FOXF1: variants seen among roughly 807,000 people sequenced by gnomAD.
FOXF1 encodes forkhead box F1, also known as forkhead box protein F1.
Under a neutral mutation model 26.6 loss-of-function variants are expected in FOXF1, and 9 were observed. That is an observed-to-expected ratio of 0.34 (90% CI 0.20 to 0.59). The LOEUF (loss-of-function observed/expected upper bound fraction) is 0.59, where lower values mean the gene tolerates loss of function less well. Ranked by LOEUF, FOXF1 falls within the 20% of genes least tolerant of loss-of-function variation. The pLI, the probability that FOXF1 is intolerant of heterozygous loss-of-function variation, is 0.83. For synonymous variants in FOXF1, 330 were observed against 257.7 expected (o/e 1.28, Z -2.69); for missense variants, 499 against 549.9 (o/e 0.91, Z 0.93).
rs879670877 is a variant in FOXF1, at chr16:86,514,557, A to G, written c.*1472A>G. On this transcript the variant is annotated 3_prime_UTR_variant, in exon 2 of 2. Transcript: ENST00000262426. ...GCTTTGGATCTCTAGACGCTTAAAAATTTACAATCTGGGTGATTCTGAGTA... is the reference window on the plus strand; with the variant it reads ...GCTTTGGATCTCTAGACGCTTAAAAGTTTACAATCTGGGTGATTCTGAGTA... 3.9e-5 allele frequency: 6 copies of G among 152,178 alleles called. No homozygotes were observed. The highest frequency in any genetic ancestry group is 9.7e-5 in the African/African-American group (4 of 41,450). The allele number at this position is 152,178 out of a possible 1,614,324, so 9.4% of individuals were successfully genotyped here.
chr16:86,510,681 A>C lies in FOXF1; in HGVS notation c.112A>C (p.Lys38Gln). ...PASSGPSKAK[K>Q]TNAGIRRPEK... ...GTCGTCCGGCCCGTCCAAGGCCAAG[A>C]AGACCAACGCCGGCATCCGGCGCCC... Residue 38 changes from lysine (K) to glutamine (Q), a missense_variant, in exon 1 of 2, where the codon AAG becomes CAG. Coordinates refer to ENST00000262426, the MANE Select transcript of FOXF1 (RefSeq NM_001451.3). 1 of 1,612,114 alleles carries C rather than the reference A, an allele frequency of 6.2e-7. No individual in the cohort carries two copies. Among genetic ancestry groups the C allele is most frequent in the South Asian group, 1.1e-5 (1 of 91,040 alleles).
intron 1 of FOXF1, among the ~76,000 whole-genome samples, chr16:86,512,374 G>A (rs1003468581): frequency 4.6e-5 from 7 of 152,252 alleles, no homozygotes; most frequent in Non-Finnish European, 1.0e-4. Context: ...AGGGTCAGCT[G>A]TCAGCAGCCC....
At position 86,511,045 on chromosome 16, in the gene FOXF1, A is replaced by G. The variant is rs117800841; in HGVS notation, c.476A>G (p.Asn159Ser). 1.7e-3 allele frequency: 2,781 copies of G among 1,611,468 alleles called. 92 individuals are homozygous for G. In the East Asian group the frequency reaches 0.053, roughly 31 times the overall value. Reference sequence around the variant, plus strand: ...CTCAAGCCCATGTACAGCATGATGAACGGGCTCGGCTTCAACCACCTCCCG... The same window carrying G: ...CTCAAGCCCATGTACAGCATGATGAGCGGGCTCGGCTTCAACCACCTCCCG... ...QALKPMYSMM[N>S]GLGFNHLPDT... Residue 159 changes from asparagine to serine, a missense_variant, in exon 1 of 2, where the codon AAC (asparagine) becomes AGC (serine). By Grantham distance (46) the Asn-to-Ser change is conservative. This residue lies in a region of FOXF1 where 367 missense variants were observed against 324.8 expected (regional missense o/e 1.13). Coordinates refer to ENST00000262426, the MANE Select transcript of FOXF1 (RefSeq NM_001451.3).
chr16:86,513,351 AT>A lies in FOXF1; in HGVS notation c.*267del. ...AGCCATCGGTAAATAAAAGTTTTTG[AT>A]CCTGTTGAACCCGCCTGAGACGGTG... is the stretch of plus-strand genomic sequence containing the variant. On this transcript the variant is annotated 3_prime_UTR_variant, in exon 2 of 2. Coordinates refer to ENST00000262426, the MANE Select transcript of FOXF1 (RefSeq NM_001451.3). 2.0e-6 allele frequency: 1 copy of A among 494,372 alleles called. No homozygotes were observed. The highest frequency in any genetic ancestry group is 2.1e-5 in the South Asian group (1 of 48,084). The allele number at this position is 494,372 out of a possible 1,614,324, so 30.6% of individuals were successfully genotyped here. A position where few individuals can be genotyped will look rare whatever the true frequency, so the allele number is the denominator to read the frequency against.
Position 86,512,367 on chromosome 16 carries a change from G to A in FOXF1, c.980-558G>A, listed in dbSNP as rs377256627. Among the ~76,000 whole-genome samples, 278 of 152,358 alleles carry A rather than the reference G, an allele frequency of 1.8e-3. 1 individual carries two copies. The highest frequency in any genetic ancestry group is 6.2e-3 in the African/African-American group (257 of 41,594). On this transcript the variant is annotated intron_variant, in intron 1 of 1. Coordinates refer to ENST00000262426, the MANE Select transcript of FOXF1 (RefSeq NM_001451.3). ...GTGAGCTTGCCAGGGCCAGTCCAGG[G>A]TCAGCTGTCAGCAGCCCCAGGAGGC...
In FOXF1 at chr16:86,511,123, G is replaced by C; in HGVS notation, c.554G>C (p.Ser185Thr). Residue 185 changes from serine (S) to threonine (T), a missense_variant, in exon 1 of 2, where the codon AGC becomes ACC. Physicochemically the swap from Ser to Thr is moderately conservative, Grantham distance 58 (BLOSUM62 1). Coordinates refer to ENST00000262426, the MANE Select transcript of FOXF1 (RefSeq NM_001451.3). ...SAGGLSCPPN[S>T]LALEGGLGMM... ...GGCGGCCTCTCGTGCCCGCCCAACA[G>C]CCTGGCGCTGGAGGGCGGCCTGGGC... is the stretch of plus-strand genomic sequence containing the variant. The C allele has an allele frequency of 1.9e-6, 3 of 1,604,004 alleles. No individual in the cohort carries two copies. Among genetic ancestry groups the C allele is most frequent in the Non-Finnish European group, 2.5e-6 (3 of 1,179,592 alleles).
Position 86,510,668 on chromosome 16 carries a change from G to A in FOXF1, c.99G>A (p.Pro33=). The A allele has an allele frequency of 6.2e-7, 1 of 1,610,306 alleles. No individual in the cohort carries two copies. Among genetic ancestry groups the A allele is most frequent in the Non-Finnish European group, 8.5e-7 (1 of 1,179,184 alleles). Residue 33 remains proline, a synonymous_variant, in exon 1 of 2, where the codon CCG becomes CCA. Transcript: ENST00000262426. The part of the protein sequence containing the change: ...GAAMDPASSG[P]SKAKKTNAGI... ...CCATGGACCCCGCGTCGTCCGGCCC[G>A]TCCAAGGCCAAGAAGACCAACGCCG...
In FOXF1 at chr16:86,511,324, G is replaced by A; in HGVS notation, c.755G>A (p.Gly252Asp). 6.6e-7 allele frequency: 1 copy of A among 1,522,826 alleles called. No homozygotes were observed. Among genetic ancestry groups the A allele is most frequent in the Non-Finnish European group, 8.7e-7 (1 of 1,142,940 alleles). The allele number at this position is 1,522,826 out of a possible 1,614,324, so 94.3% of individuals were successfully genotyped here. A position where few individuals can be genotyped will look rare whatever the true frequency, so the allele number is the denominator to read the frequency against. ...CCCGCCTCCCCGCTGCTGCCCACCGGCGCCGGTGGGGTCATGGAGCCGCAC... is the reference window on the plus strand; with the variant it reads ...CCCGCCTCCCCGCTGCTGCCCACCGACGCCGGTGGGGTCATGGAGCCGCAC... ...SVPASPLLPT[G>D]AGGVMEPHAV... Residue 252 changes from glycine to aspartate, a missense_variant, in exon 1 of 2, where the codon GGC (glycine) becomes GAC (aspartate). Gly to Asp is a moderately conservative substitution (Grantham distance 94). Coordinates refer to ENST00000262426, the MANE Select transcript of FOXF1 (RefSeq NM_001451.3).
Position 86,511,074 on chromosome 16 carries a change from A to T in FOXF1, c.505A>T (p.Thr169Ser). ...NGLGFNHLPD[T>S]YGFQGSAGGL... ...GCTCGGCTTCAACCACCTCCCGGACACCTACGGCTTCCAGGGCTCGGCCGG... is the reference window on the plus strand; with the variant it reads ...GCTCGGCTTCAACCACCTCCCGGACTCCTACGGCTTCCAGGGCTCGGCCGG... Residue 169 changes from threonine to serine, a missense_variant, in exon 1 of 2, where the codon ACC (threonine) becomes TCC (serine). Coordinates refer to ENST00000262426, the MANE Select transcript of FOXF1 (RefSeq NM_001451.3). 5 of 1,609,926 alleles carry T rather than the reference A, an allele frequency of 3.1e-6. No individual in the cohort carries two copies. Among genetic ancestry groups the T allele is most frequent in the South Asian group, 1.1e-5 (1 of 91,082 alleles).
Position 86,514,872 on chromosome 16 carries a change from A to T in FOXF1, c.*1787A>T, listed in dbSNP as rs1969623507. On this transcript the variant is annotated 3_prime_UTR_variant, in exon 2 of 2. Coordinates refer to ENST00000262426, the MANE Select transcript of FOXF1 (RefSeq NM_001451.3). The stretch of plus-strand genomic sequence containing the variant: ...ATACGTGTCCATGTACATAATATAT[A>T]TTTTTTTGCCACTACAAGACCAATG... 1 of 151,982 alleles carries T rather than the reference A, an allele frequency of 6.6e-6. No individual in the cohort carries two copies. The highest frequency in any genetic ancestry group is 1.5e-5 in the Non-Finnish European group (1 of 67,996). The allele number at this position is 151,982 out of a possible 1,614,324, so 9.4% of individuals were successfully genotyped here.
rs905666886 is a variant in FOXF1 at position 86,510,629 on chromosome 16, G to A, written c.60G>A (p.Gly20=). The part of the protein sequence containing the change: ...PPHGGGGGGG[G]GGGAAMDPAS... The stretch of plus-strand genomic sequence containing the variant: ...ACGGCGGCGGCGGCGGCGGCGGCGG[G>A]GGAGGCGGCGCGGCCATGGACCCCG... The change falls in exon 1 of 2, where the codon GGG becomes GGA. Residue 20 remains glycine, a synonymous_variant. Coordinates refer to ENST00000262426, the MANE Select transcript of FOXF1 (RefSeq NM_001451.3). 19 of 1,402,710 alleles carry A rather than the reference G, an allele frequency of 1.4e-5. No homozygotes were observed. The highest frequency in any genetic ancestry group is 2.9e-5 in the East Asian group (1 of 34,606). The allele number at this position is 1,402,710 out of a possible 1,614,324, so 86.9% of individuals were successfully genotyped here.
intron 1 of FOXF1, 138 bp downstream of exon 1, chr16:86,511,686 C>T (rs1378009328): frequency 3.3e-5 from 41 of 1,230,228 alleles, no homozygotes; most frequent in South Asian, 1.8e-4. Flanking sequence ...CCCAAGGTGT[C>T]TCTTGGCCCC....
Position 86,510,937 on chromosome 16 carries a change from C to G in FOXF1, c.368C>G (p.Thr123Ser). The G allele has an allele frequency of 6.2e-7, 1 of 1,613,816 alleles. No individual in the cohort carries two copies. Among genetic ancestry groups the G allele is most frequent in the Non-Finnish European group, 8.5e-7 (1 of 1,180,018 alleles). Residue 123 changes from threonine to serine, a missense_variant, in exon 1 of 2, where the codon ACC becomes AGC. By Grantham distance (58) the Thr-to-Ser change is moderately conservative. Coordinates refer to ENST00000262426, the MANE Select transcript of FOXF1 (RefSeq NM_001451.3). Reference protein sequence around the residue: ...LGRPGKGHYWTIDPASEFMFE... With the variant: ...LGRPGKGHYWSIDPASEFMFE... ...CGGCCCGGCAAGGGCCACTACTGGA[C>G]CATCGACCCGGCCAGCGAGTTCATG... is the stretch of plus-strand genomic sequence containing the variant.
rs756169349 is a variant in FOXF1 at position 86,511,514 on chromosome 16, C to T, written c.945C>T (p.His315=). The change falls in exon 1 of 2, where the codon CAC becomes CAT. Residue 315 remains histidine (H), a synonymous_variant. Transcript: ENST00000262426. ...ACTCCCTGGAGCAGCCGTATCTGCACCAGAACAGCCACAACGCCCCAGCCG... is the reference window on the plus strand; with the variant it reads ...ACTCCCTGGAGCAGCCGTATCTGCATCAGAACAGCCACAACGCCCCAGCCG... The part of the protein sequence containing the change: ...STHSLEQPYL[H]QNSHNAPAEL... The T allele has an allele frequency of 1.9e-6, 3 of 1,585,152 alleles. No homozygotes were observed. The highest frequency in any genetic ancestry group is 2.2e-5 in the South Asian group (2 of 88,974).
rs1597291829 is a variant in FOXF1 at position 86,511,533 on chromosome 16, C to G, written c.964C>G (p.Pro322Ala). Residue 322 changes from proline to alanine, a missense_variant, in exon 1 of 2, where the codon CCA (proline) becomes GCA (alanine). Coordinates refer to ENST00000262426, the MANE Select transcript of FOXF1 (RefSeq NM_001451.3). Reference sequence around the variant, plus strand: ...TCTGCACCAGAACAGCCACAACGCCCCAGCCGAGCTGCAAGGTGAGTGGGG... The same window carrying G: ...TCTGCACCAGAACAGCCACAACGCCGCAGCCGAGCTGCAAGGTGAGTGGGG... ...PYLHQNSHNA[P>A]AELQGIPRYH... 6.3e-7 allele frequency: 1 copy of G among 1,587,644 alleles called. No homozygotes were observed. The highest frequency in any genetic ancestry group is 8.5e-7 in the Non-Finnish European group (1 of 1,175,180).
chr16:86,514,329 T>A lies in FOXF1; in HGVS notation c.*1244T>A, dbSNP rs1482363247. ...AAATTTGAAATTTCCTTCTGCACTG[T>A]ATAAAAGGACCATTTGAGGATGTTT... On this transcript the variant is annotated 3_prime_UTR_variant, in exon 2 of 2. Transcript: ENST00000262426. The A allele has an allele frequency of 6.6e-6, 1 of 152,088 alleles. No homozygotes were observed. The highest frequency in any genetic ancestry group is 1.5e-5 in the Non-Finnish European group (1 of 68,020). The allele number at this position is 152,088 out of a possible 1,614,324, so 9.4% of individuals were successfully genotyped here.
At position 86,512,935 on chromosome 16, in the gene FOXF1, G is replaced by A. The variant is rs766509556; in HGVS notation, c.990G>A (p.Arg330=). ...NAPAELQGIP[R]YHSQSPSMCD... ...CGCCTCGCCTTGCAGGCATCCCGCG[G>A]TATCACTCGCAGTCGCCCAGCATGT... The change falls in exon 2 of 2, where the codon CGG becomes CGA. Residue 330 remains arginine, a synonymous_variant. Coordinates refer to ENST00000262426, the MANE Select transcript of FOXF1 (RefSeq NM_001451.3). 2.5e-6 allele frequency: 4 copies of A among 1,614,100 alleles called. No homozygotes were observed. The highest frequency in any genetic ancestry group is 2.2e-5 in the East Asian group (1 of 44,888).
chr16:86,512,307 C>G (rs1040656026), intron 1 of FOXF1, among the ~76,000 whole-genome samples: 1 of 152,228 alleles, frequency 6.6e-6, no homozygotes, highest in Non-Finnish European at 1.5e-5. Flanking sequence ...CCAGGCCCCC[C>G]GCAGCCTGCA....
intron 1 of FOXF1, among the ~76,000 whole-genome samples, chr16:86,511,906 G>A (rs376375626): frequency 6.6e-6 from 1 of 152,214 alleles, no homozygotes; most frequent in African/African-American, 2.4e-5. Context: ...TGGACCCAAG[G>A]CTCCCAGCGC....
Sources: gnomAD v4.1 joint callset for allele counts (sites outside exome capture counted in the v4.1 genomes callset) on GRCh38, gnomAD v4.1.1 for gene constraint, gnomAD v4.1.1 regional missense constraint, MANE v1.5 for transcripts, NCBI Gene and HGNC (gene_info 2026-07-23, HGNC 2026-07-21) for gene names.